The following DLGAP1 variants were observed in gnomAD, a reference collection of about 807,000 sequenced individuals.
DLGAP1 encodes disks large-associated protein 1.
In DLGAP1, 11 loss-of-function variants were observed where a neutral mutation model predicts 90.8. The observed-to-expected ratio is 0.12, with a 90% CI of 0.08 to 0.20. DLGAP1 has a LOEUF of 0.20. Among genes scored for constraint, DLGAP1 ranks in the 10% least tolerant of loss-of-function variants. The probability of loss-of-function intolerance (pLI) is 1.00; values close to 1 mark genes in which losing one functional copy is unlikely to be tolerated. For synonymous variants in DLGAP1, 558 were observed against 540.7 expected, an observed-to-expected ratio of 1.03 and a Z score of -0.44; for missense variants, 1,050 against 1,333.8, an observed-to-expected ratio of 0.79 and a Z score of 3.31.
intron 1 of DLGAP1, among the ~76,000 whole-genome samples, chr18:4,177,256 G>A (rs2077124628): frequency 6.6e-6 from 1 of 151,336 alleles, no homozygotes; most frequent in South Asian, 2.1e-4. Context: ...CAGAGTGGAT[G>A]GAATTCTCAT....
intron 2 of DLGAP1, among the ~76,000 whole-genome samples, chr18:4,083,450 T>C (rs1403501331): frequency 2.0e-5 from 3 of 152,170 alleles, no homozygotes; most frequent in African/African-American, 7.2e-5. Context: ...AGAGAAAACA[T>C]TTTGGTACAT....
chr18:4,447,762 C>T (rs1242614862), intron 1 of DLGAP1, among the ~76,000 whole-genome samples: 1 of 152,024 alleles, frequency 6.6e-6, no homozygotes, highest in Non-Finnish European at 1.5e-5. Context: ...AATATTTACT[C>T]CCATTTCTAC....
At chr18:4,202,828 T>C (rs73942712) in intron 1 of DLGAP1, among the ~76,000 whole-genome samples, 3,137 of 152,298 alleles carry the variant, frequency 0.021, 117 homozygotes, top group African/African-American at 0.071. Context: ...GACTAGAAAG[T>C]TTTATCCTAT....
intron 7 of DLGAP1, among the ~76,000 whole-genome samples, chr18:3,584,359 A>G (rs1230067716): frequency 6.8e-6 from 1 of 146,370 alleles, no homozygotes; most frequent in African/African-American, 2.6e-5. Context: ...CTACAGTTCC[A>G]GCTGCCAACT....
chr18:4,281,538 G>C (rs1486882145), intron 1 of DLGAP1, among the ~76,000 whole-genome samples: 1 of 152,110 alleles, frequency 6.6e-6, no homozygotes, highest in African/African-American at 2.4e-5. Context: ...TGGGAAACGA[G>C]AGCGAAACTC....
chr18:4,336,328 A>G (rs2081066990), intron 1 of DLGAP1, among the ~76,000 whole-genome samples: 1 of 152,240 alleles, frequency 6.6e-6, no homozygotes, highest in African/African-American at 2.4e-5. Flanking sequence ...AGCTCTAGAC[A>G]GCTGATCTGG....
At chr18:4,070,794 C>T (rs140791840) in intron 2 of DLGAP1, among the ~76,000 whole-genome samples, 150 of 151,974 alleles carry the variant, frequency 9.9e-4, no homozygotes, top group African/African-American at 3.0e-3. Flanking sequence ...AAAAACAATA[C>T]GTATAAGAAG....
intron 1 of DLGAP1, among the ~76,000 whole-genome samples, chr18:4,406,866 AGACAGT>A (rs1333330869): frequency 9.8e-5 from 15 of 152,352 alleles, no homozygotes; most frequent in African/African-American, 3.1e-4. Flanking sequence ...GTGCAAACTG[AGACAGT>A]GTAGTCAAAA....
intron 8 of DLGAP1, among the ~76,000 whole-genome samples, chr18:3,577,885 TG>T: frequency 6.6e-6 from 1 of 152,342 alleles, no homozygotes; most frequent in South Asian, 2.1e-4. Flanking sequence ...ATGAGATCTC[TG>T]TCCAAAAAAA....
intron 3 of DLGAP1, among the ~76,000 whole-genome samples, chr18:3,908,104 G>A (rs1008793380): frequency 6.6e-6 from 1 of 152,198 alleles, no homozygotes; most frequent in African/African-American, 2.4e-5. Context: ...AAAGCAATGT[G>A]CAGTTCCTGC....
chr18:4,195,430 C>T (rs1363879087), intron 1 of DLGAP1, among the ~76,000 whole-genome samples: 5 of 152,218 alleles, frequency 3.3e-5, no homozygotes, highest in Non-Finnish European at 7.4e-5. Context: ...TAGTCAGCCC[C>T]AATTGTCTTG....
chr18:3,812,745 A>T (rs1408641786), intron 5 of DLGAP1, among the ~76,000 whole-genome samples: 2 of 152,258 alleles, frequency 1.3e-5, no homozygotes, highest in South Asian at 2.1e-4. Context: ...TTTAAAATAC[A>T]ACATACTCTG....
intron 2 of DLGAP1, among the ~76,000 whole-genome samples, chr18:4,021,587 TTTTC>T (rs1307672264): frequency 2.0e-5 from 3 of 152,066 alleles, no homozygotes; most frequent in Non-Finnish European, 4.4e-5. Flanking sequence ...ATTTCTTTTC[TTTTC>T]TTTTTCTTTC....
chr18:3,548,340 T>A (rs2053179677), intron 9 of DLGAP1, among the ~76,000 whole-genome samples: 1 of 151,932 alleles, frequency 6.6e-6, no homozygotes, highest in Non-Finnish European at 1.5e-5. Context: ...TTTTTTAACA[T>A]CTCAATAGAT....
intron 2 of DLGAP1, among the ~76,000 whole-genome samples, chr18:4,048,142 G>A (rs561093717): frequency 6.6e-6 from 1 of 152,080 alleles, no homozygotes; most frequent in Non-Finnish European, 1.5e-5. Context: ...TGTTCATCTC[G>A]ACTATCCCAT....
At chr18:3,534,816 C>T (rs548918484) in intron 9 of DLGAP1, among the ~76,000 whole-genome samples, 9 of 151,654 alleles carry the variant, frequency 5.9e-5, no homozygotes, top group African/African-American at 1.5e-4. Flanking sequence ...CTCAGCCTCC[C>T]GAGTAGCTGA....
chr18:3,779,145 C>T (rs1448079878), intron 5 of DLGAP1, among the ~76,000 whole-genome samples: 1 of 152,176 alleles, frequency 6.6e-6, no homozygotes, highest in Non-Finnish European at 1.5e-5. Context: ...GATCTCAGAG[C>T]CTAGATCCTG....
At chr18:4,278,804 C>T (rs145198832) in intron 1 of DLGAP1, among the ~76,000 whole-genome samples, 12 of 152,072 alleles carry the variant, frequency 7.9e-5, no homozygotes, top group African/African-American at 2.7e-4. Context: ...TAGACTGATA[C>T]CGTATCTTTG....
At chr18:3,812,217 A>AT (rs951745531) in intron 5 of DLGAP1, among the ~76,000 whole-genome samples, 4 of 151,420 alleles carry the variant, frequency 2.6e-5, no homozygotes, top group South Asian at 2.1e-4. Context: ...CCATAGAAGA[A>AT]TTTTTTTTTC....
Sources: gnomAD v4.1 joint callset for allele counts (sites outside exome capture counted in the v4.1 genomes callset) on GRCh38, gnomAD v4.1.1 for gene constraint, MANE v1.5 for transcripts, NCBI Gene and HGNC (gene_info 2026-07-23, HGNC 2026-07-21) for gene names.